KDM4B: variants seen among roughly 807,000 people sequenced by gnomAD.
KDM4B encodes the protein lysine demethylase 4B, also known as lysine-specific demethylase 4B.
KDM4B carries 32 observed loss-of-function variants against 125.2 expected under a neutral mutation model. That is an observed-to-expected ratio of 0.26 (90% CI 0.19 to 0.34). The LOEUF is 0.34. Among genes scored for constraint, KDM4B ranks in the 10% least tolerant of loss-of-function variants. KDM4B has a pLI of 1.00. For missense variants in KDM4B, 1,190 were observed against 1,577.7 expected, an observed-to-expected ratio of 0.75 and a Z score of 4.16; for synonymous variants, 721 against 677.9, an observed-to-expected ratio of 1.06 and a Z score of -0.99.
Position 5,131,336 on chromosome 19 carries a change from A to C in KDM4B, c.1576A>C (p.Ile526Leu). The stretch of plus-strand genomic sequence containing the variant: ...GCTAGAGGCCAAGCCTCGGCCCATC[A>C]TCCCCATGCTGTACGTGGTGCCGCG... ...EELEAKPRPIIPMLYVVPRPG... is the reference protein window; with the variant it reads ...EELEAKPRPILPMLYVVPRPG... Residue 526 changes from isoleucine (I) to leucine (L), a missense_variant, in exon 12 of 23, where the codon ATC becomes CTC. Ile to Leu is a conservative substitution (Grantham distance 5, BLOSUM62 2). Coordinates refer to ENST00000159111, the MANE Select transcript of KDM4B (RefSeq NM_015015.3). The C allele has an allele frequency of 3.1e-6, 5 of 1,612,112 alleles. No homozygotes were observed. Among genetic ancestry groups the C allele is most frequent in the Non-Finnish European group, 4.2e-6 (5 of 1,179,814 alleles).
chr19:5,043,669 G>A (rs985883506), intron 5 of KDM4B, among the ~76,000 whole-genome samples: 6 of 149,806 alleles, frequency 4.0e-5, no homozygotes, highest in Admixed American at 2.0e-4. Flanking sequence ...TCGGAGTGGG[G>A]GTGTCCACCG....
intron 6 of KDM4B, among the ~76,000 whole-genome samples, chr19:5,061,195 G>T (rs1248086082): frequency 6.6e-6 from 1 of 152,200 alleles, no homozygotes; most frequent in Admixed American, 6.5e-5. Flanking sequence ...TGTCTCCTCC[G>T]CCTGCTGCTC....
At chr19:5,073,583 A>T (rs991362979) in intron 7 of KDM4B, among the ~76,000 whole-genome samples, 1 of 152,226 alleles carries the variant, frequency 6.6e-6, no homozygotes, top group African/African-American at 2.4e-5. Flanking sequence ...TTAGAAAAGC[A>T]GAGGTTGACA....
At chr19:5,101,723 G>A (rs1478854250) in intron 9 of KDM4B, among the ~76,000 whole-genome samples, 1 of 151,512 alleles carries the variant, frequency 6.6e-6, no homozygotes, top group Non-Finnish European at 1.5e-5. Context: ...GATCCGGGTG[G>A]GCTGTGGATG....
chr19:5,066,251 C>T (rs1254613763), intron 6 of KDM4B, among the ~76,000 whole-genome samples: 1 of 152,216 alleles, frequency 6.6e-6, no homozygotes, highest in East Asian at 1.9e-4. Flanking sequence ...ACATTCACTA[C>T]TCAAAACACC....
At chr19:5,124,889 C>T (rs1238312281) in intron 11 of KDM4B, among the ~76,000 whole-genome samples, 1 of 152,168 alleles carries the variant, frequency 6.6e-6, no homozygotes, top group African/African-American at 2.4e-5. Context: ...AGCCACTATG[C>T]CCAGCCTTCT....
intron 9 of KDM4B, among the ~76,000 whole-genome samples, chr19:5,086,400 A>T (rs1023350300): frequency 6.6e-6 from 1 of 152,070 alleles, no homozygotes; most frequent in Non-Finnish European, 1.5e-5. Context: ...TTGTGGGAGG[A>T]GGGCAATTAA....
intron 6 of KDM4B, among the ~76,000 whole-genome samples, chr19:5,051,280 C>T (rs1419672948): frequency 6.6e-6 from 1 of 152,244 alleles, no homozygotes; most frequent in African/African-American, 2.4e-5. Context: ...GTGGCCATCC[C>T]CCCTCGAGGG....
chr19:5,052,339 G>A (rs1447604965), intron 6 of KDM4B, among the ~76,000 whole-genome samples: 1 of 134,456 alleles, frequency 7.4e-6, no homozygotes, highest in Non-Finnish European at 1.6e-5. Flanking sequence ...CCGAGGAACC[G>A]TGCTCCAGAC....
chr19:5,084,873 C>T lies in KDM4B; in HGVS notation c.918+2369C>T, dbSNP rs370703909. ...ACCCACCCTCCCCCGCCCGCCGCCC[C>T]GGCCCACCCTTTTATAGAGACAGGG... On this transcript the variant is annotated intron_variant, in intron 9 of 22. Transcript: ENST00000159111. Among the ~76,000 whole-genome samples the T allele has an allele frequency of 2.6e-4, 40 of 151,654 alleles. No homozygotes were observed. The East Asian group carries it at 5.4e-3, about 21-fold the overall frequency.
At chr19:5,125,158 G>A (rs983869748) in intron 11 of KDM4B, among the ~76,000 whole-genome samples, 7 of 152,242 alleles carry the variant, frequency 4.6e-5, no homozygotes, top group Admixed American at 3.3e-4. Flanking sequence ...AAAGTGCTGG[G>A]ATTACAGGTA....
chr19:5,005,887 G>A (rs944367884), intron 1 of KDM4B, among the ~76,000 whole-genome samples: 2 of 152,082 alleles, frequency 1.3e-5, no homozygotes, highest in Admixed American at 6.5e-5. Flanking sequence ...GGCAGGGGTC[G>A]CCCCTGCAGT....
At chr19:5,143,916 G>C in intron 18 of KDM4B, 51 bp from the exon 19 acceptor site, 1 of 1,438,494 alleles carries the variant, frequency 7.0e-7, no homozygotes, top group Non-Finnish European at 9.5e-7. Context: ...CCGTTCCAGG[G>C]TCCCTAGGGA....
rs2038346938 is a variant in KDM4B, at chr19:5,082,896, T to TG, written c.918+396dup. Reference sequence around the variant, plus strand: ...GGGCATCTCCTGGCCATCATGGTCCTGGGGTTGGGTTGTTTGCTGACATCT... The same window carrying TG: ...GGGCATCTCCTGGCCATCATGGTCCTGGGGGTTGGGTTGTTTGCTGACATCT... On this transcript the variant is annotated intron_variant, in intron 9 of 22. Coordinates refer to ENST00000159111, the MANE Select transcript of KDM4B (RefSeq NM_015015.3). The surrounding 1 kb of genome is among the most constrained non-coding windows in gnomAD (Gnocchi z 5.4). 6.6e-6 allele frequency among the ~76,000 whole-genome samples: 1 copy of TG among 152,164 alleles called. No homozygotes were observed.
At chr19:5,011,333 C>T (rs1425905718) in intron 1 of KDM4B, among the ~76,000 whole-genome samples, 1 of 152,224 alleles carries the variant, frequency 6.6e-6, no homozygotes, top group Non-Finnish European at 1.5e-5. Flanking sequence ...AGTAGGAACG[C>T]TAACCCATGT....
chr19:5,151,719 G>C lies in KDM4B; in HGVS notation c.*208G>C, dbSNP rs955853303. On this transcript the variant is annotated 3_prime_UTR_variant, in exon 23 of 23. Transcript: ENST00000159111. ...GCAGGGCCAGGCGGGCTCGGGGGCC[G>C]GCCAGGGGAGCACCCCACTCAACTA... The C allele has an allele frequency of 5.0e-6, 2 of 401,072 alleles. No individual in the cohort carries two copies. The highest frequency in any genetic ancestry group is 8.7e-6 in the Non-Finnish European group (2 of 229,542). The allele number at this position is 401,072 out of a possible 1,614,324, so 24.8% of individuals were successfully genotyped here. A position where few individuals can be genotyped will look rare whatever the true frequency, so the allele number is the denominator to read the frequency against.
intron 10 of KDM4B, chr19:5,112,743 ACAGCCCCTC>A: frequency 6.6e-6 from 1 of 152,240 alleles, no homozygotes; most frequent in East Asian, 1.9e-4. Flanking sequence ...GAGTGTTTTC[ACAGCCCCTC>A]CTGACAGCCC....
At chr19:5,055,883 T>C (rs944828257) in intron 6 of KDM4B, among the ~76,000 whole-genome samples, 2 of 152,200 alleles carry the variant, frequency 1.3e-5, no homozygotes, top group African/African-American at 4.8e-5. Context: ...TTCCCTGTTA[T>C]GAGCATTCTA....
chr19:5,071,670 G>A (rs555041850), intron 7 of KDM4B, among the ~76,000 whole-genome samples: 1 of 152,318 alleles, frequency 6.6e-6, no homozygotes, highest in South Asian at 2.1e-4. Flanking sequence ...AGATCCTCAG[G>A]TTGTGGGATA....
Sources: gnomAD v4.1 joint callset for allele counts (sites outside exome capture counted in the v4.1 genomes callset) on GRCh38, gnomAD v4.1.1 for gene constraint, Gnocchi (gnomAD v3.1) non-coding constraint, MANE v1.5 for transcripts, NCBI Gene and HGNC (gene_info 2026-07-23, HGNC 2026-07-21) for gene names.